BICD1: variants seen among roughly 807,000 people sequenced by gnomAD.
The protein encoded by BICD1 is protein bicaudal D homolog 1.
BICD1 carries 35 observed loss-of-function variants against 92.5 expected under a neutral mutation model. The ratio of observed to expected loss-of-function variants is 0.38; its 90% confidence interval spans 0.29 to 0.50. The LOEUF is 0.50. Among genes scored for constraint, BICD1 ranks in the 20% least tolerant of loss-of-function variants. The pLI, the probability that BICD1 is intolerant of heterozygous loss-of-function variation, is 0.93. For missense variants in BICD1, 950 were observed against 1,189.8 expected (o/e 0.80, Z 2.97); for synonymous variants, 429 against 465.1 (o/e 0.92, Z 1.00).
At chr12:32,223,255 C>G (rs551669767) in intron 2 of BICD1, among the ~76,000 whole-genome samples, 1 of 152,164 alleles carries the variant, frequency 6.6e-6, no homozygotes, top group African/African-American at 2.4e-5. Flanking sequence ...TGGTAGCTCA[C>G]GCCTGTAATT....
chr12:32,341,463 CA>C (rs36000130), intron 8 of BICD1, among the ~76,000 whole-genome samples: 137 of 121,694 alleles, frequency 1.1e-3, no homozygotes, highest in Non-Finnish European at 1.2e-3. Flanking sequence ...GACACTGTCT[CA>C]AAAAAAAAAA....
At chr12:32,223,516 CAAAA>C (rs60536204) in intron 2 of BICD1, among the ~76,000 whole-genome samples, 3 of 103,432 alleles carry the variant, frequency 2.9e-5, no homozygotes, top group African/African-American at 7.3e-5. Context: ...GACTTTGTCT[CAAAA>C]AAAAAAAAAA....
At chr12:32,346,438 G>C (rs189871) in intron 8 of BICD1, among the ~76,000 whole-genome samples, 1 of 147,450 alleles carries the variant, frequency 6.8e-6, no homozygotes, top group Non-Finnish European at 1.5e-5. Flanking sequence ...GATCGCTTGA[G>C]CCCAGGAAGC....
intron 8 of BICD1, among the ~76,000 whole-genome samples, chr12:32,344,340 T>C (rs1938489858): frequency 6.6e-6 from 1 of 151,940 alleles, no homozygotes; most frequent in South Asian, 2.1e-4. Context: ...TTCGAAGTAA[T>C]AGAAAGCGAG....
At chr12:32,367,902 C>T (rs905958987) in intron 9 of BICD1, 157 bp downstream of exon 9, 2 of 652,198 alleles carry the variant, frequency 3.1e-6, no homozygotes, top group African/African-American at 1.8e-5. Flanking sequence ...CACCTGCAGT[C>T]CCTGCGTTCC....
chr12:32,350,890 A>G (rs1938839766), intron 8 of BICD1, among the ~76,000 whole-genome samples: 1 of 152,252 alleles, frequency 6.6e-6, no homozygotes, highest in African/African-American at 2.4e-5. Flanking sequence ...TCAGCCAATA[A>G]TAGTCATTGA....
At chr12:32,332,542 AAC>A in intron 5 of BICD1, 1 of 740,236 alleles carries the variant, frequency 1.4e-6, no homozygotes, top group Non-Finnish European at 1.6e-6. Flanking sequence ...AAAGAAGACT[AAC>A]ACATGGTCCC....
rs1948808941 is a variant in BICD1 at position 32,327,446 on chromosome 12, CT to C, written c.1006-11del. 1 of 1,582,580 alleles carries C rather than the reference CT, an allele frequency of 6.3e-7. No homozygotes were observed. The highest frequency in any genetic ancestry group is 8.6e-7 in the Non-Finnish European group (1 of 1,162,306). The stretch of plus-strand genomic sequence containing the variant: ...TGCCTTGAGGTGATTCAGAAACTTT[CT>C]TTTGCCATTGCAGGTAGAGCGGGAA... On this transcript the variant is annotated splice_polypyrimidine_tract_variant and intron_variant, in intron 4 of 9. Coordinates refer to ENST00000652176, the MANE Select transcript of BICD1 (RefSeq NM_001714.4).
intron 8 of BICD1, among the ~76,000 whole-genome samples, chr12:32,342,204 G>A (rs375946356): frequency 0.048 from 5,768 of 118,968 alleles, 172 homozygotes; most frequent in Middle Eastern, 0.092. Flanking sequence ...GTGTGTGTGT[G>A]TATATATATA....
At chr12:32,308,839 A>C (rs181895043) in intron 4 of BICD1, among the ~76,000 whole-genome samples, 161 of 152,284 alleles carry the variant, frequency 1.1e-3, no homozygotes, top group African/African-American at 3.7e-3. Context: ...CAGTTTGCAA[A>C]GATGTAGAGG....
chr12:32,112,495 T>G (rs1941735996), intron 1 of BICD1, among the ~76,000 whole-genome samples: 1 of 152,204 alleles, frequency 6.6e-6, no homozygotes, highest in South Asian at 2.1e-4. Context: ...TTAAATATAG[T>G]TGTACTCATG....
At chr12:32,347,987 G>A (rs7964775) in intron 8 of BICD1, among the ~76,000 whole-genome samples, 10,091 of 152,200 alleles carry the variant, frequency 0.066, 1,068 homozygotes, top group African/African-American at 0.22. Flanking sequence ...CCCACAGTAA[G>A]AGAGAAGATA....
At chr12:32,249,673 T>C (rs960942085) in intron 2 of BICD1, among the ~76,000 whole-genome samples, 1 of 149,096 alleles carries the variant, frequency 6.7e-6, no homozygotes, top group African/African-American at 2.5e-5. Flanking sequence ...GATGGAGTTT[T>C]CTTTTCTCTC....
At chr12:32,225,961 T>C (rs960499812) in intron 2 of BICD1, among the ~76,000 whole-genome samples, 2 of 152,184 alleles carry the variant, frequency 1.3e-5, no homozygotes, top group African/African-American at 4.8e-5. Flanking sequence ...CTAATAGGTG[T>C]GTAGTGATAT....
rs143178125 is a variant in BICD1 at position 32,319,659 on chromosome 12, C to A, written c.1006-7802C>A. 1.9e-3 allele frequency among the ~76,000 whole-genome samples: 293 copies of A among 151,402 alleles called. 1 individual carries two copies. The Middle Eastern group carries it at 0.044, about 23-fold the overall frequency. Reference sequence around the variant, plus strand: ...GTGACGTGATCTTGGATCGCTGCAACCTCTGCTTCCCAGGTTCAAGCAATT... The same window carrying A: ...GTGACGTGATCTTGGATCGCTGCAAACTCTGCTTCCCAGGTTCAAGCAATT... On this transcript the variant is annotated intron_variant, in intron 4 of 9. Coordinates refer to ENST00000652176, the MANE Select transcript of BICD1 (RefSeq NM_001714.4).
At chr12:32,334,458 T>G (rs746875281) in intron 5 of BICD1, 58 bp from the exon 6 acceptor site, 24 of 1,512,158 alleles carry the variant, frequency 1.6e-5, no homozygotes, top group Non-Finnish European at 2.0e-5. Context: ...CATGAAGCAA[T>G]CTGTATGATG....
At chr12:32,235,414 A>G (rs1162574451) in intron 2 of BICD1, among the ~76,000 whole-genome samples, 2 of 152,200 alleles carry the variant, frequency 1.3e-5, no homozygotes, top group Non-Finnish European at 2.9e-5. Flanking sequence ...GTTCCAATGA[A>G]ATGATGTTTC....
At chr12:32,290,191 A>T (rs1374384623) in intron 2 of BICD1, among the ~76,000 whole-genome samples, 1 of 119,880 alleles carries the variant, frequency 8.3e-6, no homozygotes, top group Non-Finnish European at 1.9e-5. Context: ...GGTTGAAAGC[A>T]GGTTTCCAAA....
At chr12:32,130,400 T>G (rs1942499405) in intron 1 of BICD1, among the ~76,000 whole-genome samples, 1 of 152,120 alleles carries the variant, frequency 6.6e-6, no homozygotes. Context: ...AGACGGGGTT[T>G]CACCGTGGTC....
Sources: allele counts gnomAD v4.1 joint callset (sites outside exome capture counted in the v4.1 genomes callset), GRCh38; gene constraint gnomAD v4.1.1; transcripts MANE v1.5; gene names NCBI Gene and HGNC (gene_info 2026-07-23, HGNC 2026-07-21).